LRRC37B: variants seen among roughly 807,000 people sequenced by gnomAD.
LRRC37B encodes the protein leucine-rich repeat-containing protein 37B.
LRRC37B carries 28 observed loss-of-function variants against 98.3 expected under a neutral mutation model. The observed-to-expected ratio is 0.28, with a 90% CI of 0.21 to 0.39. The LOEUF is 0.39. Ranked by LOEUF, LRRC37B falls within the 10% of genes least tolerant of loss-of-function variation. The probability of loss-of-function intolerance (pLI) is 1.00; values close to 1 mark genes in which losing one functional copy is unlikely to be tolerated. For missense variants in LRRC37B, 938 were observed against 1,182.7 expected (o/e 0.79, Z 3.03); for synonymous variants, 364 against 442.7 (o/e 0.82, Z 2.23).
intron 1 of LRRC37B, among the ~76,000 whole-genome samples, chr17:32,014,073 T>C (rs1910597571): frequency 6.6e-6 from 1 of 152,210 alleles, no homozygotes; most frequent in Non-Finnish European, 1.5e-5. Context: ...CTAGATCCAT[T>C]TTCCTACCTA....
intron 7 of LRRC37B, among the ~76,000 whole-genome samples, chr17:32,045,167 T>C (rs1160722718): frequency 6.6e-6 from 1 of 152,214 alleles, no homozygotes; most frequent in South Asian, 2.1e-4. Context: ...TTATATATTA[T>C]GTTGTAGCTT....
At chr17:32,034,219 C>CA (rs1380563548) in intron 5 of LRRC37B, among the ~76,000 whole-genome samples, 5 of 151,984 alleles carry the variant, frequency 3.3e-5, no homozygotes, top group African/African-American at 1.2e-4. Flanking sequence ...AAAAGGCAAG[C>CA]AGTCAGGCGC....
At chr17:32,022,577 G>T in exon 1 of LRRC37B, 1 of 1,613,986 alleles carries the variant, frequency 6.2e-7, no homozygotes, top group Non-Finnish European at 8.5e-7. Flanking sequence ...ATCCAGACCA[G>T]GTTCAGACTC....
chr17:32,030,235 A>T (rs1206300909), intron 3 of LRRC37B, among the ~76,000 whole-genome samples: 1 of 152,122 alleles, frequency 6.6e-6, no homozygotes, highest in African/African-American at 2.4e-5. Flanking sequence ...TGTTGAAAGG[A>T]TGTCTTTTAT....
intron 4 of LRRC37B, 77 bp from the exon 8 acceptor site, chr17:32,031,301 T>C (rs1911100106): frequency 1.3e-6 from 2 of 1,561,520 alleles, no homozygotes; most frequent in East Asian, 2.3e-5. Flanking sequence ...TTCCATCCTA[T>C]GTAAATTAGA....
intron 7 of LRRC37B, among the ~76,000 whole-genome samples, chr17:32,039,014 A>C (rs928318847): frequency 2.0e-5 from 3 of 152,214 alleles, no homozygotes; most frequent in African/African-American, 7.2e-5. Flanking sequence ...TGTTTAATCC[A>C]AAGTGGAAAA....
upstream of LRRC37B, chr17:32,016,937 A>T (rs1910657854): frequency 6.6e-6 from 1 of 152,180 alleles, no homozygotes; most frequent in African/African-American, 2.4e-5. Flanking sequence ...TCTTCATGAC[A>T]TTCAATGAGT....
chr17:32,052,629 C>G (rs556944378), intron 11 of LRRC37B: 2 of 152,162 alleles, frequency 1.3e-5, no homozygotes, highest in Admixed American at 1.3e-4. Flanking sequence ...TTAGAAAGTA[C>G]AGTATAACAA....
chr17:32,048,381 A>G (rs1911648415), intron 9 of LRRC37B, among the ~76,000 whole-genome samples: 1 of 149,378 alleles, frequency 6.7e-6, no homozygotes, highest in Admixed American at 6.7e-5. Flanking sequence ...CACATAGTGC[A>G]GGGGCCTGAG....
intron 5 of LRRC37B, among the ~76,000 whole-genome samples, chr17:32,034,408 A>AGGAGAAT (rs1911185872): frequency 6.8e-6 from 1 of 147,798 alleles, no homozygotes; most frequent in South Asian, 2.3e-4. Context: ...AGGCTGAGGC[A>AGGAGAAT]GGAGAATTGC....
intron 1 of LRRC37B, chr17:32,024,510 G>T (rs954667264): frequency 1.9e-6 from 2 of 1,043,200 alleles, no homozygotes; most frequent in Non-Finnish European, 3.0e-6. Context: ...GCTTCCGGGA[G>T]ATGCCTCATC....
chr17:32,027,804 A>G lies in LRRC37B; in HGVS notation c.1868A>G (p.Lys623Arg), dbSNP rs760199534. The change falls in exon 3 of 12, where the codon AAG becomes AGG. Residue 623 changes from lysine (K) to arginine (R), a missense_variant. Lys to Arg is a conservative substitution (Grantham distance 26). Coordinates refer to ENST00000327564, the Ensembl canonical transcript of LRRC37B. ...GAAAATTATTTGACTGAATTACCTA[A>G]GGATTCATTTGAAGGCCTGCTATAC... The G allele has an allele frequency of 1.4e-5, 22 of 1,607,616 alleles. No individual in the cohort carries two copies. In the East Asian group the frequency reaches 3.4e-4, roughly 25 times the overall value.
intron 7 of LRRC37B, among the ~76,000 whole-genome samples, chr17:32,039,291 A>G: frequency 6.6e-6 from 1 of 150,658 alleles, no homozygotes; most frequent in East Asian, 2.0e-4. Context: ...TTGTAGATAT[A>G]GGTATAGATA....
chr17:32,047,580 T>C (rs1337099743), intron 8 of LRRC37B, 181 bp from the exon 12 acceptor site: 1 of 820,668 alleles, frequency 1.2e-6, no homozygotes, highest in Admixed American at 2.4e-5. Flanking sequence ...GCCATGTCTT[T>C]TCCTCCTTTC....
At chr17:32,045,468 T>G in intron 7 of LRRC37B, 1 of 522,068 alleles carries the variant, frequency 1.9e-6, no homozygotes, top group East Asian at 3.3e-5. Context: ...GTCACCCAAT[T>G]CTAATCCCAA....
intron 5 of LRRC37B, 37 bp downstream of exon 8, chr17:32,031,495 A>G (rs1911106153): frequency 2.6e-6 from 2 of 777,174 alleles, no homozygotes; most frequent in South Asian, 1.9e-5. Flanking sequence ...GTAAACGACT[A>G]TTTTGTATAA....
chr17:32,020,299 T>C (rs1245519779), upstream of LRRC37B, among the ~76,000 whole-genome samples: 1 of 152,222 alleles, frequency 6.6e-6, no homozygotes, highest in Non-Finnish European at 1.5e-5. Flanking sequence ...GTTCTAGTTA[T>C]AGTCGCATTT....
chr17:32,018,754 G>A (rs1205263090), upstream of LRRC37B, among the ~76,000 whole-genome samples: 1 of 152,104 alleles, frequency 6.6e-6, no homozygotes, highest in Non-Finnish European at 1.5e-5. Context: ...CTTACTGCTT[G>A]GATCTCATTA....
intron 2 of LRRC37B, among the ~76,000 whole-genome samples, chr17:32,026,777 G>A (rs1567614898): frequency 6.6e-6 from 1 of 152,184 alleles, no homozygotes; most frequent in Non-Finnish European, 1.5e-5. Flanking sequence ...TCAGGGTAGT[G>A]GTTACCTATT....
Sources: allele counts gnomAD v4.1 joint callset (sites outside exome capture counted in the v4.1 genomes callset), GRCh38; gene constraint gnomAD v4.1.1; transcripts MANE v1.5; gene names NCBI Gene and HGNC (gene_info 2026-07-23, HGNC 2026-07-21).